The following TTLL1 variants were observed in gnomAD, a reference collection of about 807,000 sequenced individuals.
The protein encoded by TTLL1 is polyglutamylase complex subunit TTLL1.
In TTLL1, 33 loss-of-function variants were observed where a neutral mutation model predicts 47.8. The ratio of observed to expected loss-of-function variants is 0.69; its 90% CI spans 0.52 to 0.92. The LOEUF is 0.92. TTLL1 is among the 40% of genes least tolerant of loss of function. TTLL1 has a pLI of 0.00. For missense variants in TTLL1, 488 were observed against 547.5 expected (o/e 0.89, Z 1.08); for synonymous variants, 225 against 214.1 (o/e 1.05, Z -0.45).
intron 6 of TTLL1, 73 bp downstream of exon 6, chr22:43,064,117 A>G: frequency 6.3e-7 from 1 of 1,575,368 alleles, no homozygotes; most frequent in Non-Finnish European, 8.6e-7. Context: ...GAAACCTCAC[A>G]ATGGTGCTAA....
intron 8 of TTLL1, among the ~76,000 whole-genome samples, chr22:43,054,229 T>C (rs897120473): frequency 2.0e-5 from 3 of 152,184 alleles, no homozygotes; most frequent in Non-Finnish European, 4.4e-5. Flanking sequence ...GGAGCTTCAG[T>C]GGGACAAGAG....
At chr22:43,079,703 T>C (rs1928755370) in intron 2 of TTLL1, among the ~76,000 whole-genome samples, 199 bp downstream of exon 2, 1 of 152,212 alleles carries the variant, frequency 6.6e-6, no homozygotes, top group Admixed American at 6.5e-5. Flanking sequence ...CACACAGTGC[T>C]TCCCCAGGCC....
At chr22:43,073,855 A>C (rs1302113557) in intron 3 of TTLL1, among the ~76,000 whole-genome samples, 1 of 145,742 alleles carries the variant, frequency 6.9e-6, no homozygotes, top group African/African-American at 2.6e-5. Flanking sequence ...ACAGAGTCTC[A>C]CTGTCACCCA....
intron 3 of TTLL1, chr22:43,070,056 C>A: frequency 8.5e-7 from 1 of 1,181,232 alleles, no homozygotes. Flanking sequence ...GGGCCAGGAG[C>A]TGTGCTGATT....
chr22:43,072,370 A>G (rs5996267), intron 3 of TTLL1, among the ~76,000 whole-genome samples: 27,827 of 151,952 alleles, frequency 0.18, 2,721 homozygotes, highest in African/African-American at 0.24. Context: ...TAGCCTGGAT[A>G]GTCTCGATCT....
intron 3 of TTLL1, 147 bp from the exon 4 acceptor site, chr22:43,069,991 C>T: frequency 7.4e-7 from 1 of 1,354,644 alleles, no homozygotes; most frequent in Non-Finnish European, 1.0e-6. Flanking sequence ...GGTTGCCCGG[C>T]CCACAGCAGC....
At chr22:43,052,636 G>A (rs1307835250) in intron 8 of TTLL1, among the ~76,000 whole-genome samples, 33 of 152,150 alleles carry the variant, frequency 2.2e-4, no homozygotes, top group Admixed American at 2.2e-3. Context: ...AGCTACTCGG[G>A]ACAGCTGGAG....
chr22:43,046,493 G>T lies in TTLL1; in HGVS notation c.1059C>A (p.Asn353Lys). 1 of 1,614,132 alleles carries T rather than the reference G, an allele frequency of 6.2e-7. No individual in the cohort carries two copies. The highest frequency in any genetic ancestry group is 8.5e-7 in the Non-Finnish European group (1 of 1,180,034). Residue 353 changes from asparagine to lysine, a missense_variant, in exon 10 of 11, where the codon AAC becomes AAA. Asn to Lys is a moderately conservative substitution (Grantham distance 94, BLOSUM62 0). Coordinates refer to ENST00000266254, the MANE Select transcript of TTLL1 (RefSeq NM_012263.5). The stretch of plus-strand genomic sequence containing the variant: ...GGATTTCACCATTCGGGACGGCGAT[G>T]TTGAGGGTGTCATTAATCAGGTTGT... ...LKYNLINDTL[N>K]IAVPNGEIPD...
At chr22:43,069,938 A>G in intron 3 of TTLL1, 94 bp from the exon 4 acceptor site, 1 of 1,503,646 alleles carries the variant, frequency 6.7e-7, no homozygotes, top group Non-Finnish European at 8.9e-7. Flanking sequence ...AACCCTCAGC[A>G]CCCTTCACCA....
rs144552628 is a variant in TTLL1 at position 43,056,071 on chromosome 22, T to C, written c.891+3313A>G. Among the ~76,000 whole-genome samples, 710 of 151,906 alleles carry C rather than the reference T, an allele frequency of 4.7e-3. 4 individuals carry two copies. Among genetic ancestry groups the C allele is most frequent in the African/African-American group, 0.016 (676 of 41,496 alleles). The stretch of plus-strand genomic sequence containing the variant: ...CCACAGAGACTGTTTTCTATAAATA[T>C]GTTCATACAGCCAGGCACAGTGGCT... On this transcript the variant is annotated intron_variant, in intron 8 of 10. Transcript: ENST00000266254.
chr22:43,073,947 G>A (rs1480531067), intron 3 of TTLL1, among the ~76,000 whole-genome samples: 1 of 151,092 alleles, frequency 6.6e-6, no homozygotes, highest in Non-Finnish European at 1.5e-5. Context: ...TCAATCTCCC[G>A]AGTTCCTGGG....
intron 8 of TTLL1, 58 bp downstream of exon 8, chr22:43,059,326 G>A: frequency 6.4e-7 from 1 of 1,560,436 alleles, no homozygotes; most frequent in Non-Finnish European, 8.7e-7. Context: ...AAGACAGCAA[G>A]CCCCCCCACT....
chr22:43,070,106 T>TA, intron 3 of TTLL1: 1 of 1,353,762 alleles, frequency 7.4e-7, no homozygotes, highest in Non-Finnish European at 1.0e-6. Context: ...AGGCACTCAA[T>TA]AGATGTTTAT....
chr22:43,063,848 C>A lies in TTLL1; in HGVS notation c.712G>T (p.Val238Phe), dbSNP rs371253934. Reference protein sequence around the residue: ...PSTSELDNMFVHLTNVAIQKH... With the variant: ...PSTSELDNMFFHLTNVAIQKH... The stretch of plus-strand genomic sequence containing the variant: ...TGGATGGCGACGTTGGTGAGATGAA[C>A]GAACATGTTGTCCAGCTCACTGGTA... The change falls in exon 7 of 11, where the codon GTT becomes TTT. Residue 238 changes from valine to phenylalanine, a missense_variant. Coordinates refer to ENST00000266254, the MANE Select transcript of TTLL1 (RefSeq NM_012263.5). 1 of 1,614,032 alleles carries A rather than the reference C, an allele frequency of 6.2e-7. No homozygotes were observed. The highest frequency in any genetic ancestry group is 1.7e-5 in the Admixed American group (1 of 59,990).
At chr22:43,078,411 G>T (rs1928648633) in intron 2 of TTLL1, among the ~76,000 whole-genome samples, 2 of 152,132 alleles carry the variant, frequency 1.3e-5, no homozygotes, top group South Asian at 4.1e-4. Flanking sequence ...CAGGAGAATT[G>T]CTTGAACCCG....
chr22:43,047,561 C>T (rs1388208355), intron 9 of TTLL1, among the ~76,000 whole-genome samples: 4 of 152,038 alleles, frequency 2.6e-5, no homozygotes, highest in South Asian at 2.1e-4. Context: ...CTCTGCCTCC[C>T]GGGTTCAAGC....
intron 3 of TTLL1, among the ~76,000 whole-genome samples, chr22:43,070,508 C>T (rs1329062454): frequency 2.0e-5 from 3 of 152,164 alleles, no homozygotes; most frequent in African/African-American, 7.2e-5. Flanking sequence ...GCCTCTTGCA[C>T]TGTGGTCCCT....
chr22:43,039,730 AG>A lies in TTLL1; in HGVS notation c.*45del, dbSNP rs1247267816. 1 of 1,520,852 alleles carries A rather than the reference AG, an allele frequency of 6.6e-7. No individual in the cohort carries two copies. Among genetic ancestry groups the A allele is most frequent in the Non-Finnish European group, 8.8e-7 (1 of 1,131,098 alleles). 94.2% of individuals were successfully genotyped at this position (1,520,852 alleles called of 1,614,324 possible). A position where few individuals can be genotyped will look rare whatever the true frequency, so the allele number is the denominator to read the frequency against. ...GGAAATTTCAAAATAGGGCTTCAGC[AG>A]GGGCCCAGGTGGAGTGAGTAGTTTT... On this transcript the variant is annotated 3_prime_UTR_variant, in exon 11 of 11. Transcript: ENST00000266254.
intron 2 of TTLL1, among the ~76,000 whole-genome samples, chr22:43,077,809 C>T (rs1396701943): frequency 6.6e-6 from 1 of 152,084 alleles, no homozygotes; most frequent in African/African-American, 2.4e-5. Flanking sequence ...ACACGTTGTA[C>T]TTAAGACAAT....
Sources: allele counts gnomAD v4.1 joint callset (sites outside exome capture counted in the v4.1 genomes callset), GRCh38; gene constraint gnomAD v4.1.1; transcripts MANE v1.5; gene names NCBI Gene and HGNC (gene_info 2026-07-23, HGNC 2026-07-21).